The following GREB1 variants were observed in gnomAD, a reference collection of about 807,000 sequenced individuals.
GREB1 encodes protein GREB1.
In GREB1, 106 loss-of-function variants were observed where a neutral mutation model predicts 200.7. The ratio of observed to expected loss-of-function variants is 0.53; its 90% confidence interval spans 0.45 to 0.62. The LOEUF is 0.62. Among genes scored for constraint, GREB1 ranks in the 20% least tolerant of loss-of-function variants. The probability of loss-of-function intolerance (pLI) is 0.00; values close to 1 mark genes in which losing one functional copy is unlikely to be tolerated. For missense variants in GREB1, 2,243 were observed against 2,556.8 expected, an observed-to-expected ratio of 0.88 and a Z score of 2.65; for synonymous variants, 1,132 against 1,092.4, an observed-to-expected ratio of 1.04 and a Z score of -0.72.
chr2:11,565,017 T>C (rs532436131), intron 3 of GREB1, among the ~76,000 whole-genome samples: 5 of 152,282 alleles, frequency 3.3e-5, no homozygotes, highest in South Asian at 4.1e-4. Context: ...ATGATTCAGT[T>C]ACCTCCCACC....
chr2:11,568,748 C>A (rs1216256300), intron 4 of GREB1, among the ~76,000 whole-genome samples: 1 of 152,236 alleles, frequency 6.6e-6, no homozygotes, highest in Non-Finnish European at 1.5e-5. Flanking sequence ...CCTTCACCAC[C>A]AGCCCAGTAA....
chr2:11,489,024 A>G (rs1033284259), intron 1 of GREB1, among the ~76,000 whole-genome samples: 1 of 152,138 alleles, frequency 6.6e-6, no homozygotes, highest in Non-Finnish European at 1.5e-5. Context: ...ACTCAGTACA[A>G]TGGCTGGCCC....
intron 1 of GREB1, among the ~76,000 whole-genome samples, chr2:11,516,179 G>A (rs542778134): frequency 1.3e-5 from 2 of 152,108 alleles, no homozygotes; most frequent in African/African-American, 4.8e-5. Flanking sequence ...AGAGCATCAC[G>A]TCCAAAATGA....
chr2:11,612,411 G>A (rs374980794), intron 18 of GREB1, 84 bp from the exon 19 acceptor site: 2 of 1,497,896 alleles, frequency 1.3e-6, no homozygotes, highest in East Asian at 2.3e-5. Flanking sequence ...TTAAATTGGT[G>A]TGGGAGGCCA....
chr2:11,513,832 A>G (rs901968991), intron 1 of GREB1, among the ~76,000 whole-genome samples: 2 of 152,158 alleles, frequency 1.3e-5, no homozygotes, highest in Non-Finnish European at 2.9e-5. Context: ...ATGCACTCAC[A>G]TGGGCTGTAG....
Position 11,580,780 on chromosome 2 carries a change from C to T in GREB1, c.849C>T (p.Cys283=). 6.2e-7 allele frequency: 1 copy of T among 1,614,234 alleles called. No homozygotes were observed. Among genetic ancestry groups the T allele is most frequent in the East Asian group, 2.2e-5 (1 of 44,890 alleles). The change falls in exon 7 of 33, where the codon TGC becomes TGT. Residue 283 remains cysteine, a synonymous_variant. Transcript: ENST00000381486. The surrounding 1 kb of genome is among the most constrained non-coding windows in gnomAD (Gnocchi z 4.5). ...TCAACGGCAAAGATTCCCCGAAGTG[C>T]CAACAACTGGCAAAGAATAACCTGT... ...AVFNGKDSPK[C]QQLAKNNLLA...
intron 1 of GREB1, among the ~76,000 whole-genome samples, chr2:11,522,176 T>C (rs887529610): frequency 1.5e-4 from 23 of 152,162 alleles, no homozygotes; most frequent in African/African-American, 5.6e-4. Context: ...CAAGTAGATT[T>C]TTTTTTGGGT....
chr2:11,558,323 C>T (rs890911813), intron 2 of GREB1, among the ~76,000 whole-genome samples: 5 of 152,202 alleles, frequency 3.3e-5, no homozygotes, highest in African/African-American at 1.2e-4. Flanking sequence ...TTGATAGTTG[C>T]TTTCTGCCCA....
In GREB1 at chr2:11,615,223, G is replaced by C. The variant is rs771791269; in HGVS notation, c.3255G>C (p.Glu1085Asp). 6.2e-7 allele frequency: 1 copy of C among 1,613,450 alleles called. No homozygotes were observed. The highest frequency in any genetic ancestry group is 1.1e-5 in the South Asian group (1 of 90,918). ...EVPLEKGARNEALESDAEKLS... is the reference protein window; with the variant it reads ...EVPLEKGARNDALESDAEKLS... The stretch of plus-strand genomic sequence containing the variant: ...CCTTGGAGAAGGGGGCTAGGAACGA[G>C]GCCTTGGAGAGTGATGCTGAGAAGC... Residue 1085 changes from glutamate to aspartate, a missense_variant, in exon 20 of 33, where the codon GAG becomes GAC. Physicochemically the swap from Glu to Asp is conservative, Grantham distance 45. Around this residue, in one of 3 missense-constraint regions of GREB1, gnomAD observed 587 missense variants for 553.1 expected, o/e 1.06. Transcript: ENST00000381486.
intron 15 of GREB1, among the ~76,000 whole-genome samples, chr2:11,600,419 A>G (rs1681679800): frequency 6.6e-6 from 1 of 152,162 alleles, no homozygotes; most frequent in African/African-American, 2.4e-5. Flanking sequence ...TTTCTGGATC[A>G]TTTCAAGGTC....
intron 10 of GREB1, chr2:11,591,657 A>C (rs1323383230): frequency 1.1e-5 from 6 of 556,024 alleles, no homozygotes; most frequent in African/African-American, 1.9e-5. Context: ...ATCTGATGAT[A>C]TGTAGTAGCT....
intron 21 of GREB1, among the ~76,000 whole-genome samples, chr2:11,617,487 C>T (rs1174730391): frequency 1.3e-5 from 2 of 152,260 alleles, no homozygotes; most frequent in African/African-American, 4.8e-5. Context: ...TTGCAGTAGT[C>T]TTTTGCACAC....
rs761083274 is a variant in GREB1 at position 11,637,711 on chromosome 2, T to C, written c.5347-5T>C. On this transcript the variant is annotated splice_polypyrimidine_tract_variant and splice_region_variant and intron_variant, in intron 30 of 32. Coordinates refer to ENST00000381486, the MANE Select transcript of GREB1 (RefSeq NM_014668.4). ...TAGTGGCCTGACACCCCCCTTCCCG[T>C]GCAGGTGTCTGATAACTCTGCCGCG... 6.2e-7 allele frequency: 1 copy of C among 1,612,336 alleles called. No homozygotes were observed.
At chr2:11,586,287 C>T (rs1680083165) in intron 9 of GREB1, among the ~76,000 whole-genome samples, 2 of 152,240 alleles carry the variant, frequency 1.3e-5, no homozygotes, top group African/African-American at 4.8e-5. Flanking sequence ...GCTGCAGGAG[C>T]TCCGCTCTGG....
intron 25 of GREB1, among the ~76,000 whole-genome samples, chr2:11,628,321 G>C (rs1172486972): frequency 1.3e-5 from 2 of 152,324 alleles, no homozygotes; most frequent in East Asian, 3.9e-4. Flanking sequence ...AGAGTTGGTG[G>C]GAGCTAGTCA....
At position 11,578,321 on chromosome 2, in the gene GREB1, C is replaced by G; in HGVS notation, c.662C>G (p.Ala221Gly). 1 of 1,614,032 alleles carries G rather than the reference C, an allele frequency of 6.2e-7. No individual in the cohort carries two copies. The highest frequency in any genetic ancestry group is 8.5e-7 in the Non-Finnish European group (1 of 1,179,912). Reference sequence around the variant, plus strand: ...GAGTTTAGAAGCCGGCAGATCCCCGCCAGTACTTGTTCCAGTTCCCTCTTC... The same window carrying G: ...GAGTTTAGAAGCCGGCAGATCCCCGGCAGTACTTGTTCCAGTTCCCTCTTC... ...GSEFRSRQIP[A>G]STCSSSLFPA... Residue 221 changes from alanine to glycine, a missense_variant, in exon 6 of 33, where the codon GCC becomes GGC. Physicochemically the swap from Ala to Gly is moderately conservative, Grantham distance 60. Around this residue, in one of 3 missense-constraint regions of GREB1, gnomAD observed 1,178 missense variants for 1,387.4 expected, o/e 0.85. Coordinates refer to ENST00000381486, the MANE Select transcript of GREB1 (RefSeq NM_014668.4).
chr2:11,596,100 G>T lies in GREB1; in HGVS notation c.1826-11G>T, dbSNP rs1448050507. 6 of 1,610,776 alleles carry T rather than the reference G, an allele frequency of 3.7e-6. No individual in the cohort carries two copies. The highest frequency in any genetic ancestry group is 3.3e-5 in the Admixed American group (2 of 59,878). On this transcript the variant is annotated splice_polypyrimidine_tract_variant and intron_variant, in intron 12 of 32. Coordinates refer to ENST00000381486, the MANE Select transcript of GREB1 (RefSeq NM_014668.4). ...CATCAAAAACCCATTTGTTTATTCT[G>T]TCTTGGGCAGAGGGTGACATTGACA...
At chr2:11,607,240 T>C (rs1344407284) in intron 17 of GREB1, among the ~76,000 whole-genome samples, 1 of 151,902 alleles carries the variant, frequency 6.6e-6, no homozygotes, top group East Asian at 1.9e-4. Context: ...CATGCCACCA[T>C]GCCTGGCCAA....
chr2:11,521,844 A>G (rs1377688412), intron 1 of GREB1, among the ~76,000 whole-genome samples: 1 of 152,230 alleles, frequency 6.6e-6, no homozygotes, highest in African/African-American at 2.4e-5. Context: ...TATTGCCTCA[A>G]AAGACTTTAG....
Sources: gnomAD v4.1 joint callset for allele counts (sites outside exome capture counted in the v4.1 genomes callset) on GRCh38, gnomAD v4.1.1 for gene constraint, gnomAD v4.1.1 regional missense constraint, Gnocchi (gnomAD v3.1) non-coding constraint, MANE v1.5 for transcripts, NCBI Gene and HGNC (gene_info 2026-07-23, HGNC 2026-07-21) for gene names.